HDAC9: variants seen among roughly 807,000 people sequenced by gnomAD.
HDAC9 encodes histone deacetylase 9, also known as MEF-2 interacting transcription repressor (MITR) protein.
Under a neutral mutation model 139.4 loss-of-function variants are expected in HDAC9, and 41 were observed. That is an observed-to-expected ratio of 0.29 (90% CI 0.23 to 0.38). The LOEUF (loss-of-function observed/expected upper bound fraction) is 0.38, where lower values mean the gene tolerates loss of function less well. HDAC9 is among the 10% of genes least tolerant of loss of function. The pLI is 1.00. For missense variants in HDAC9, 1,147 were observed against 1,297.0 expected, an observed-to-expected ratio of 0.88 and a Z score of 1.78; for synonymous variants, 517 against 476.2, an observed-to-expected ratio of 1.09 and a Z score of -1.12.
chr7:18,609,889 T>A (rs974845445), intron 6 of HDAC9, among the ~76,000 whole-genome samples: 2 of 151,868 alleles, frequency 1.3e-5, no homozygotes, highest in African/African-American at 4.8e-5. Context: ...TGTTTGGGTT[T>A]TTGTCCTTGC....
chr7:18,559,228 A>T (rs1819815163), intron 2 of HDAC9, among the ~76,000 whole-genome samples: 1 of 152,168 alleles, frequency 6.6e-6, no homozygotes, highest in Admixed American at 6.5e-5. Flanking sequence ...TAAGACAGCA[A>T]AGCCCAATAG....
At chr7:18,348,448 G>T (rs565963736) in intron 1 of HDAC9, among the ~76,000 whole-genome samples, 5 of 152,068 alleles carry the variant, frequency 3.3e-5, no homozygotes, top group African/African-American at 1.2e-4. Flanking sequence ...ATGGATTTTT[G>T]GGAAGGTTCA....
At chr7:18,367,573 TG>T (rs1784285113) in intron 1 of HDAC9, among the ~76,000 whole-genome samples, 1 of 152,278 alleles carries the variant, frequency 6.6e-6, no homozygotes, top group African/African-American at 2.4e-5. Flanking sequence ...AAATGACATT[TG>T]CTTATCTCAT....
intron 1 of HDAC9, among the ~76,000 whole-genome samples, chr7:18,147,244 A>G (rs1310635508): frequency 6.6e-6 from 1 of 152,000 alleles, no homozygotes; most frequent in Non-Finnish European, 1.5e-5. Flanking sequence ...TGCAGAAGAA[A>G]CCCTCCCAAT....
chr7:18,987,292 G>T (rs1034862271), intron 25 of HDAC9, among the ~76,000 whole-genome samples: 3 of 152,288 alleles, frequency 2.0e-5, no homozygotes, highest in East Asian at 3.9e-4. Context: ...GTTGAATTTT[G>T]TCAGAGGCCT....
rs555048460 is a variant in HDAC9 at position 18,177,869 on chromosome 7, T to A, written c.25+15520T>A. ...AAGGGCACTTTGTGAGGAGGCTGAT[T>A]ATAGTGGTGCTAGGGGCATGGAATT... On this transcript the variant is annotated intron_variant, in intron 2 of 12. Coordinates refer to the HDAC9 transcript ENST00000417496. 8.5e-5 allele frequency among the ~76,000 whole-genome samples: 13 copies of A among 152,252 alleles called. No individual in the cohort carries two copies. The South Asian group carries it at 2.5e-3, about 29-fold the overall frequency.
chr7:18,818,747 T>G (rs1411787467), intron 17 of HDAC9, among the ~76,000 whole-genome samples: 1 of 152,176 alleles, frequency 6.6e-6, no homozygotes, highest in African/African-American at 2.4e-5. Context: ...GATTTGACCC[T>G]TATTTTTCAT....
intron 1 of HDAC9, among the ~76,000 whole-genome samples, chr7:18,358,356 G>A (rs557108120): frequency 6.6e-6 from 1 of 152,218 alleles, no homozygotes; most frequent in African/African-American, 2.4e-5. Flanking sequence ...AGAAGAAACA[G>A]TTTTTTTTCC....
At chr7:18,972,091 C>T (rs1784275215) in intron 24 of HDAC9, among the ~76,000 whole-genome samples, 2 of 152,188 alleles carry the variant, frequency 1.3e-5, no homozygotes, top group Non-Finnish European at 2.9e-5. Context: ...AGAATGTTTG[C>T]TGACCTCTTC....
chr7:18,960,642 G>A (rs1783467705), intron 24 of HDAC9, among the ~76,000 whole-genome samples: 1 of 151,954 alleles, frequency 6.6e-6, no homozygotes, highest in Non-Finnish European at 1.5e-5. Flanking sequence ...TAATTTTCTT[G>A]GCGATTAAGA....
At chr7:18,146,603 A>T (rs1469073490) in intron 1 of HDAC9, among the ~76,000 whole-genome samples, 3 of 152,228 alleles carry the variant, frequency 2.0e-5, no homozygotes, top group African/African-American at 7.2e-5. Context: ...GCTTTAGTTC[A>T]GCAACAACGG....
chr7:18,096,436 T>G (rs1345209679), intron 1 of HDAC9, among the ~76,000 whole-genome samples: 7 of 152,226 alleles, frequency 4.6e-5, no homozygotes, highest in Admixed American at 2.6e-4. Flanking sequence ...TTTTAAACGT[T>G]TATTCAGAAA....
chr7:18,700,931 T>G (rs6968715), intron 12 of HDAC9, among the ~76,000 whole-genome samples: 5,471 of 152,194 alleles, frequency 0.036, 250 homozygotes, highest in African/African-American at 0.1. Context: ...AGGGTTATCA[T>G]GGGAGGGAGC....
Position 18,727,645 on chromosome 7 carries a change from C to T in HDAC9, c.1797C>T (p.Gly599=). 1 of 1,591,408 alleles carries T rather than the reference C, an allele frequency of 6.3e-7. No individual in the cohort carries two copies. ...GCCAAGCTCCGCTGGCTGCGGTTGG[C>T]ATGGATGGATTAGAGAAACACCGTC... The part of the protein sequence containing the change: ...SVRQAPLAAV[G]MDGLEKHRLV... The change falls in exon 13 of 26, where the codon GGC becomes GGT. Residue 599 remains glycine (G), a synonymous_variant. Transcript: ENST00000686413.
chr7:18,862,368 C>A (rs1205794475), intron 21 of HDAC9, among the ~76,000 whole-genome samples: 2 of 152,130 alleles, frequency 1.3e-5, no homozygotes, highest in African/African-American at 4.8e-5. Flanking sequence ...TAGAGTTAAT[C>A]TAAATGAATC....
chr7:18,413,693 A>G (rs1010029237), intron 1 of HDAC9, among the ~76,000 whole-genome samples: 1 of 152,172 alleles, frequency 6.6e-6, no homozygotes, highest in African/African-American at 2.4e-5. Context: ...AGGAATAGAT[A>G]ATAAAAGGGT....
At chr7:18,485,151 G>T (rs1239269212) in intron 1 of HDAC9, among the ~76,000 whole-genome samples, 1 of 152,106 alleles carries the variant, frequency 6.6e-6, no homozygotes, top group African/African-American at 2.4e-5. Context: ...ATATTCCTAG[G>T]TTCGAATTAA....
intron 1 of HDAC9, among the ~76,000 whole-genome samples, chr7:18,344,671 A>C (rs1296093148): frequency 1.3e-5 from 2 of 151,980 alleles, no homozygotes; most frequent in African/African-American, 4.8e-5. Context: ...TTGGCAGAAA[A>C]AAATAGGAGT....
intron 13 of HDAC9, among the ~76,000 whole-genome samples, chr7:18,730,798 A>C (rs1477340737): frequency 1.3e-5 from 2 of 151,822 alleles, no homozygotes; most frequent in Non-Finnish European, 2.9e-5. Flanking sequence ...TTAGCATATG[A>C]TTTTTTTTTA....
Sources: gnomAD v4.1 joint callset for allele counts (sites outside exome capture counted in the v4.1 genomes callset) on GRCh38, gnomAD v4.1.1 for gene constraint, MANE v1.5 for transcripts, NCBI Gene and HGNC (gene_info 2026-07-23, HGNC 2026-07-21) for gene names.